The following PVT1 variants were observed in gnomAD, a reference collection of about 807,000 sequenced individuals.
PVT1 encodes Pvt1 oncogene.
intron 2 of PVT1, among the ~76,000 whole-genome samples, chr8:127,839,549 CA>C (rs1216290238): frequency 1.3e-5 from 1 of 75,608 alleles, no homozygotes; most frequent in Non-Finnish European, 2.6e-5. Flanking sequence ...GATCCTATCT[CA>C]AAAATAAAAA....
intron 2 of PVT1, among the ~76,000 whole-genome samples, chr8:127,803,956 T>G (rs1007778631): frequency 4.6e-5 from 7 of 152,120 alleles, no homozygotes; most frequent in African/African-American, 9.7e-5. Flanking sequence ...CCTGACCTTG[T>G]GATCTGCCTG....
At chr8:128,011,839 A>T (rs1418695758) in intron 4 of PVT1, among the ~76,000 whole-genome samples, 3 of 152,180 alleles carry the variant, frequency 2.0e-5, no homozygotes, top group Non-Finnish European at 4.4e-5. Flanking sequence ...AACAGAAAGC[A>T]ACTTAATAAA....
At chr8:127,977,734 C>CA (rs1563655368) in intron 3 of PVT1, among the ~76,000 whole-genome samples, 1 of 147,952 alleles carries the variant, frequency 6.8e-6, no homozygotes, top group Non-Finnish European at 1.5e-5. Flanking sequence ...GACTCTGTGT[C>CA]AAAAAAAAGA....
intron 3 of PVT1, among the ~76,000 whole-genome samples, chr8:127,980,874 T>G (rs1377000215): frequency 6.7e-6 from 1 of 150,374 alleles, no homozygotes; most frequent in African/African-American, 2.4e-5. Context: ...CTTGGTTCAC[T>G]GCAATTTTCA....
At chr8:127,976,323 T>G (rs765625779) in intron 3 of PVT1, among the ~76,000 whole-genome samples, 1 of 152,326 alleles carries the variant, frequency 6.6e-6, no homozygotes, top group African/African-American at 2.4e-5. Flanking sequence ...GTTCCTTGCT[T>G]TCTTGAGTGT....
intron 3 of PVT1, among the ~76,000 whole-genome samples, chr8:127,931,615 G>A (rs1816207133): frequency 6.6e-6 from 1 of 152,256 alleles, no homozygotes; most frequent in Non-Finnish European, 1.5e-5. Context: ...CAGCTGGAAA[G>A]TGGTAGAGCT....
intron 2 of PVT1, among the ~76,000 whole-genome samples, chr8:127,797,341 T>A (rs535966439): frequency 1.3e-5 from 2 of 152,354 alleles, no homozygotes; most frequent in Non-Finnish European, 2.9e-5. Context: ...TTTTGCTTTT[T>A]ATTGTTTCCT....
At chr8:127,864,394 G>T (rs961778825) in intron 2 of PVT1, among the ~76,000 whole-genome samples, 1 of 152,158 alleles carries the variant, frequency 6.6e-6, no homozygotes, top group South Asian at 2.1e-4. Flanking sequence ...GAGGCCTGCC[G>T]TCAGGGTTTG....
chr8:127,935,663 G>A (rs146140537), intron 3 of PVT1, among the ~76,000 whole-genome samples: 78 of 152,250 alleles, frequency 5.1e-4, no homozygotes, highest in African/African-American at 1.7e-3. Flanking sequence ...AGCTCTGGTT[G>A]CACAATCGTG....
chr8:128,049,247 C>A (rs1813656839), intron 4 of PVT1: 1 of 525,374 alleles, frequency 1.9e-6, no homozygotes, highest in Non-Finnish European at 3.9e-6. Context: ...GTTAGCTGAC[C>A]TACACAGAAG....
intron 4 of PVT1, among the ~76,000 whole-genome samples, chr8:128,016,276 CA>C (rs11333334): frequency 0.027 from 3,572 of 134,054 alleles, 128 homozygotes; most frequent in African/African-American, 0.082. Context: ...GACCCTGTCT[CA>C]AAAAAAAAAA....
chr8:127,852,222 A>G lies in PVT1; in HGVS notation n.373-38367A>G, dbSNP rs573625666. On this transcript the variant is annotated intron_variant and non_coding_transcript_variant, in intron 2 of 10. Coordinates refer to ENST00000651587, the Ensembl canonical transcript of PVT1. Reference sequence around the variant, plus strand: ...GCAGTGACTACAGCTGGAAGACAGCATGATCAGCAGCTTCCAAGGCAGAGC... The same window carrying G: ...GCAGTGACTACAGCTGGAAGACAGCGTGATCAGCAGCTTCCAAGGCAGAGC... 15 of 152,394 alleles carry G rather than the reference A, an allele frequency of 9.8e-5. No homozygotes were observed. In the South Asian group the frequency reaches 1.9e-3, roughly 19 times the overall value. The allele number at this position is 152,394 out of a possible 1,614,324, so 9.4% of individuals were successfully genotyped here.
rs553223855 is a variant in PVT1 at position 127,813,158 on chromosome 8, G to A, written n.372+17087G>A. Reference sequence around the variant, plus strand: ...AGACTCTGTCTCAAAAAAAATATATGTATATAATATATACAAATATATATA... The same window carrying A: ...AGACTCTGTCTCAAAAAAAATATATATATATAATATATACAAATATATATA... On this transcript the variant is annotated intron_variant and non_coding_transcript_variant, in intron 2 of 10. Coordinates refer to ENST00000651587, the Ensembl canonical transcript of PVT1. Among the ~76,000 whole-genome samples, 38 of 127,822 alleles carry A rather than the reference G, an allele frequency of 3.0e-4. 1 individual carries two copies. The South Asian group carries it at 7.8e-3, about 26-fold the overall frequency. 83.9% of individuals were successfully genotyped at this position (127,822 alleles called of 152,430 possible).
chr8:127,957,566 C>CAAAAAAAAAA (rs56796489), intron 3 of PVT1, among the ~76,000 whole-genome samples: 8 of 91,572 alleles, frequency 8.7e-5, no homozygotes, highest in South Asian at 4.2e-4. Flanking sequence ...GACTCCGTCT[C>CAAAAAAAAAA]AAAAAAAAAA....
intron 3 of PVT1, among the ~76,000 whole-genome samples, chr8:127,963,364 C>T (rs943536277): frequency 2.0e-5 from 3 of 152,138 alleles, no homozygotes; most frequent in Admixed American, 1.3e-4. Flanking sequence ...TGTCTGACAC[C>T]TGGTGAGATT....
chr8:127,867,322 C>T (rs1409529000), intron 2 of PVT1, among the ~76,000 whole-genome samples: 1 of 152,186 alleles, frequency 6.6e-6, no homozygotes, highest in African/African-American at 2.4e-5. Context: ...CAAAGGAGAC[C>T]CATCAGCTCC....
intron 4 of PVT1, among the ~76,000 whole-genome samples, chr8:128,054,218 G>A (rs1273710594): frequency 6.6e-6 from 1 of 152,200 alleles, no homozygotes; most frequent in South Asian, 2.1e-4. Flanking sequence ...AAGTTTTTGA[G>A]GTTTCACCAG....
At chr8:127,827,904 C>T (rs1357866926) in intron 2 of PVT1, among the ~76,000 whole-genome samples, 6 of 152,112 alleles carry the variant, frequency 3.9e-5, no homozygotes, top group Non-Finnish European at 8.8e-5. Flanking sequence ...ACCGTTGTAA[C>T]ATCTGGTGAG....
intron 2 of PVT1, among the ~76,000 whole-genome samples, chr8:127,812,240 A>AGGAAGGC (rs1563611705): frequency 1.5e-4 from 19 of 127,812 alleles, no homozygotes; most frequent in African/African-American, 6.9e-4. Context: ...GGCAGGAAGG[A>AGGAAGGC]AGGAAGGCAG....
Sources: allele counts gnomAD v4.1 joint callset (sites outside exome capture counted in the v4.1 genomes callset), GRCh38; gene constraint gnomAD v4.1.1; transcripts MANE v1.5; gene names NCBI Gene and HGNC (gene_info 2026-07-23, HGNC 2026-07-21).